The following PCDHB7 variants were observed in gnomAD, a reference collection of about 807,000 sequenced individuals.
PCDHB7 encodes protocadherin beta 7, also known as protocadherin beta-7.
For missense variants in PCDHB7, 1,148 were observed against 1,011.6 expected, an observed-to-expected ratio of 1.13 and a Z score of -1.83; for synonymous variants, 542 against 463.1, an observed-to-expected ratio of 1.17 and a Z score of -2.19.
chr5:141,174,154 T>G lies in PCDHB7; in HGVS notation c.1319T>G (p.Leu440Arg), dbSNP rs1554280177. The G allele has an allele frequency of 6.2e-7, 1 of 1,613,972 alleles. No homozygotes were observed. Residue 440 changes from leucine to arginine, a missense_variant, in exon 1 of 1, where the codon CTG (leucine) becomes CGG (arginine). Transcript: ENST00000231137. ...AAAACCGAGCACAACATAACCGTGC[T>G]GGTCTCCGACGTCAATGACAACGCT... ...RLKTEHNITV[L>R]VSDVNDNAPA...
Position 141,173,960 on chromosome 5 carries a change from C to G in PCDHB7, c.1125C>G (p.Ser375=), listed in dbSNP as rs1563916158. The stretch of plus-strand genomic sequence containing the variant: ...TTTTTAGGATTAGAGACAGAGATTC[C>G]GGGAACAATGGAAAGACAGTGTGCT... ...VAVFRIRDRD[S]GNNGKTVCSI... is the part of the protein sequence containing the mutation. The change falls in exon 1 of 1, where the codon TCC becomes TCG. Residue 375 remains serine, a synonymous_variant. Transcript: ENST00000231137. 1.2e-6 allele frequency: 2 copies of G among 1,613,640 alleles called. No individual in the cohort carries two copies. The highest frequency in any genetic ancestry group is 1.6e-4 in the Middle Eastern group (1 of 6,084).
chr5:141,173,379 G>A lies in PCDHB7; in HGVS notation c.544G>A (p.Val182Ile), dbSNP rs782307287. ...ISPNAYFHIN[V>I]HDSGEGNIYP... is the part of the protein sequence containing the mutation. ...CCCCAATGCCTATTTCCATATTAATGTCCATGATAGCGGGGAGGGGAATAT... is the reference window on the plus strand; with the variant it reads ...CCCCAATGCCTATTTCCATATTAATATCCATGATAGCGGGGAGGGGAATAT... Residue 182 changes from valine (V) to isoleucine (I), a missense_variant, in exon 1 of 1, where the codon GTC becomes ATC. Coordinates refer to ENST00000231137, the MANE Select transcript of PCDHB7 (RefSeq NM_018940.4). 2 of 1,613,930 alleles carry A rather than the reference G, an allele frequency of 1.2e-6. No individual in the cohort carries two copies. The highest frequency in any genetic ancestry group is 1.3e-5 in the African/African-American group (1 of 74,914).
rs1753316411 is a variant in PCDHB7, at chr5:141,174,448, C to T, written c.1613C>T (p.Ser538Phe). The T allele has an allele frequency of 6.2e-7, 1 of 1,611,708 alleles. No homozygotes were observed. The highest frequency in any genetic ancestry group is 1.7e-5 in the Admixed American group (1 of 59,914). ...CGCGTGGGCGCCACAGACCGCGGCT[C>T]CCCCGCGCTGAGCAGCGAGGCGCTG... ...EFRVGATDRG[S>F]PALSSEALVR... The change falls in exon 1 of 1, where the codon TCC (serine) becomes TTC (phenylalanine). Residue 538 changes from serine (S) to phenylalanine (F), a missense_variant. Coordinates refer to ENST00000231137, the MANE Select transcript of PCDHB7 (RefSeq NM_018940.4).
Position 141,174,503 on chromosome 5 carries a change from CA to C in PCDHB7, c.1670del (p.Asn557ThrfsTer30), listed in dbSNP as rs1554280254. The C allele has an allele frequency of 1.8e-5, 29 of 1,611,060 alleles. No individual in the cohort carries two copies. In the East Asian group the frequency reaches 6.5e-4, roughly 36 times the overall value. ...GCGTGCTGGTGCTGGACGCCAACGA[CA>C]ACTCGCCCTTCGTGCTGTACCCGCT... is the stretch of plus-strand genomic sequence containing the variant. Reference protein sequence around the residue: ...VRVLVLDANDNSPFVLYPLQN... With the variant: ...VRVLVLDANDXSPFVLYPLQN... On this transcript the variant is annotated frameshift_variant, in exon 1 of 1. Transcript: ENST00000231137. LOFTEE classifies it low-confidence loss of function (END_TRUNC).
rs374470174 is a variant in PCDHB7, at chr5:141,173,683, A to C, written c.848A>C (p.Tyr283Ser). Residue 283 changes from tyrosine to serine, a missense_variant, in exon 1 of 1, where the codon TAC (tyrosine) becomes TCC (serine). Physicochemically the swap from Tyr to Ser is moderately radical, Grantham distance 144. Transcript: ENST00000231137. Reference protein sequence around the residue: ...SNGEIAYAFSYATERILKTFQ... With the variant: ...SNGEIAYAFSSATERILKTFQ... ...GGGGAAATAGCCTATGCATTTTCTT[A>C]CGCCACTGAAAGAATTCTCAAAACG... 1.9e-6 allele frequency: 3 copies of C among 1,614,032 alleles called. No homozygotes were observed. Among genetic ancestry groups the C allele is most frequent in the African/African-American group, 2.7e-5 (2 of 74,938 alleles).
chr5:141,175,122 A>C lies in PCDHB7; in HGVS notation c.2287A>C (p.Lys763Gln). ...TGGAGGCTCCGGGACAAATGAGTTC[A>C]AGTTTCTGAAACCAATTATCCCCAA... Reference protein sequence around the residue: ...LTGGSGTNEFKFLKPIIPNLL... With the variant: ...LTGGSGTNEFQFLKPIIPNLL... Residue 763 changes from lysine to glutamine, a missense_variant, in exon 1 of 1, where the codon AAG (lysine) becomes CAG (glutamine). Transcript: ENST00000231137. 1 of 1,614,198 alleles carries C rather than the reference A, an allele frequency of 6.2e-7. No homozygotes were observed. Among genetic ancestry groups the C allele is most frequent in the Non-Finnish European group, 8.5e-7 (1 of 1,180,040 alleles).
Position 141,174,505 on chromosome 5 carries a change from A to G in PCDHB7, c.1670A>G (p.Asn557Ser), listed in dbSNP as rs782664071. ...GTGCTGGTGCTGGACGCCAACGACA[A>G]CTCGCCCTTCGTGCTGTACCCGCTG... ...VRVLVLDANDNSPFVLYPLQN... is the reference protein window; with the variant it reads ...VRVLVLDANDSSPFVLYPLQN... Residue 557 changes from asparagine to serine, a missense_variant, in exon 1 of 1, where the codon AAC becomes AGC. Physicochemically the swap from Asn to Ser is conservative, Grantham distance 46 (BLOSUM62 1). Transcript: ENST00000231137. 6.2e-7 allele frequency: 1 copy of G among 1,609,936 alleles called. No homozygotes were observed. The highest frequency in any genetic ancestry group is 8.5e-7 in the Non-Finnish European group (1 of 1,179,376).
In PCDHB7 at chr5:141,175,087, T is replaced by A. The variant is rs1379878386; in HGVS notation, c.2252T>A (p.Val751Glu). ...CTATCCCAGAGCTACCAGTATGAGG[T>A]GTGCCTGACTGGAGGCTCCGGGACA... ...GTLSQSYQYE[V>E]CLTGGSGTNE... The change falls in exon 1 of 1, where the codon GTG becomes GAG. Residue 751 changes from valine (V) to glutamate (E), a missense_variant. Val to Glu is a moderately radical substitution (Grantham distance 121, BLOSUM62 -2). Coordinates refer to ENST00000231137, the MANE Select transcript of PCDHB7 (RefSeq NM_018940.4). 2 of 1,614,082 alleles carry A rather than the reference T, an allele frequency of 1.2e-6. No individual in the cohort carries two copies. Among genetic ancestry groups the A allele is most frequent in the African/African-American group, 2.7e-5 (2 of 74,926 alleles).
Position 141,174,063 on chromosome 5 carries a change from G to C in PCDHB7, c.1228G>C (p.Asp410His). 6.2e-7 allele frequency: 1 copy of C among 1,614,040 alleles called. No individual in the cohort carries two copies. Among genetic ancestry groups the C allele is most frequent in the Non-Finnish European group, 8.5e-7 (1 of 1,179,924 alleles). ...TACTCTGGTAACAGAGAAACCTTTG[G>C]ATCGAGAGAGGAACACTGAGTACAA... ...FYTLVTEKPLDRERNTEYNIT... is the reference protein window; with the variant it reads ...FYTLVTEKPLHRERNTEYNIT... The change falls in exon 1 of 1, where the codon GAT (aspartate) becomes CAT (histidine). Residue 410 changes from aspartate to histidine, a missense_variant. Transcript: ENST00000231137.
Position 141,175,545 on chromosome 5 carries a change from T to A in PCDHB7, c.*328T>A. Reference sequence around the variant, plus strand: ...TGAGTTGATTAGAAAGCTGTATGAGTGTACCTACCCTAGTCTCAGAAGCAT... The same window carrying A: ...TGAGTTGATTAGAAAGCTGTATGAGAGTACCTACCCTAGTCTCAGAAGCAT... On this transcript the variant is annotated 3_prime_UTR_variant, in exon 1 of 1. Coordinates refer to ENST00000231137, the MANE Select transcript of PCDHB7 (RefSeq NM_018940.4). The A allele has an allele frequency of 2.9e-6, 1 of 349,994 alleles. No homozygotes were observed. Among genetic ancestry groups the A allele is most frequent in the Non-Finnish European group, 5.2e-6 (1 of 191,314 alleles). The allele number at this position is 349,994 out of a possible 1,614,324, so 21.7% of individuals were successfully genotyped here. A position where few individuals can be genotyped will look rare whatever the true frequency, so the allele number is the denominator to read the frequency against.
rs368675475 is a variant in PCDHB7 at position 141,173,749 on chromosome 5, C to T, written c.914C>T (p.Ala305Val). 2 of 1,613,644 alleles carry T rather than the reference C, an allele frequency of 1.2e-6. No homozygotes were observed. The highest frequency in any genetic ancestry group is 1.1e-5 in the South Asian group (1 of 91,022). ...NPTSGSLHLK[A>V]QLDYEAIQTY... is the part of the protein sequence containing the mutation. ...ACATCTGGCAGTCTTCATCTTAAAG[C>T]GCAATTGGACTATGAGGCAATTCAA... Residue 305 changes from alanine (A) to valine (V), a missense_variant, in exon 1 of 1, where the codon GCG (alanine) becomes GTG (valine). Coordinates refer to ENST00000231137, the MANE Select transcript of PCDHB7 (RefSeq NM_018940.4).
chr5:141,175,070 G>A lies in PCDHB7; in HGVS notation c.2235G>A (p.Gln745=), dbSNP rs781876695. The A allele has an allele frequency of 1.2e-6, 2 of 1,614,250 alleles. No individual in the cohort carries two copies. Among genetic ancestry groups the A allele is most frequent in the African/African-American group, 1.3e-5 (1 of 75,060 alleles). The change falls in exon 1 of 1, where the codon CAG becomes CAA. Residue 745 remains glutamine (Q), a synonymous_variant. Coordinates refer to ENST00000231137, the MANE Select transcript of PCDHB7 (RefSeq NM_018940.4). ...TGAGCGGCACCGGGACCCTATCCCA[G>A]AGCTACCAGTATGAGGTGTGCCTGA... ...VDLSGTGTLS[Q]SYQYEVCLTG... is the part of the protein sequence containing the mutation.
rs907134518 is a variant in PCDHB7, at chr5:141,174,018, C to G, written c.1183C>G (p.Pro395Ala). 3.1e-6 allele frequency: 5 copies of G among 1,614,042 alleles called. No individual in the cohort carries two copies. The highest frequency in any genetic ancestry group is 4.2e-6 in the Non-Finnish European group (5 of 1,180,030). The change falls in exon 1 of 1, where the codon CCA becomes GCA. Residue 395 changes from proline (P) to alanine (A), a missense_variant. Physicochemically the swap from Pro to Ala is conservative, Grantham distance 27. Coordinates refer to ENST00000231137, the MANE Select transcript of PCDHB7 (RefSeq NM_018940.4). ...GGACGATGTCCCCTTCATCCTGAAG[C>G]CATCTGTCGAAAACTTCTATACTCT... ...IQDDVPFILK[P>A]SVENFYTLVT...
chr5:141,173,509 C>A lies in PCDHB7; in HGVS notation c.674C>A (p.Thr225Asn), dbSNP rs1753268344. The change falls in exon 1 of 1, where the codon ACC becomes AAC. Residue 225 changes from threonine (T) to asparagine (N), a missense_variant. Coordinates refer to ENST00000231137, the MANE Select transcript of PCDHB7 (RefSeq NM_018940.4). ...LDGGSPPRSG[T>N]ALVRILVLDV... ...GGCGGCTCTCCTCCAAGATCAGGGA[C>A]CGCCCTCGTGCGCATTCTGGTTCTA... is the stretch of plus-strand genomic sequence containing the variant. 6.2e-7 allele frequency: 1 copy of A among 1,614,014 alleles called. No individual in the cohort carries two copies. The highest frequency in any genetic ancestry group is 8.5e-7 in the Non-Finnish European group (1 of 1,179,940).
chr5:141,173,927 C>A lies in PCDHB7; in HGVS notation c.1092C>A (p.Val364=), dbSNP rs369881189. 69 of 1,612,710 alleles carry A rather than the reference C, an allele frequency of 4.3e-5. 3 individuals are homozygous for A. The highest frequency in any genetic ancestry group is 3.6e-4 in the East Asian group (16 of 44,854). ...TTGCAGAAAACTCACCCGAGACAGTCGTGGCTGTTTTTAGGATTAGAGACA... is the reference window on the plus strand; with the variant it reads ...TTGCAGAAAACTCACCCGAGACAGTAGTGGCTGTTTTTAGGATTAGAGACA... ...SPIAENSPET[V]VAVFRIRDRD... The change falls in exon 1 of 1, where the codon GTC becomes GTA. Residue 364 remains valine (V), a synonymous_variant. Transcript: ENST00000231137.
chr5:141,173,306 A>T lies in PCDHB7; in HGVS notation c.471A>T (p.Ala157=). Residue 157 remains alanine (A), a synonymous_variant, in exon 1 of 1, where the codon GCA becomes GCT. Transcript: ENST00000231137. ...GGGCGGCATTTCTCCTAGAGAGTGCACAGGATTCAGATGTTGGAACCAACA... is the reference window on the plus strand; with the variant it reads ...GGGCGGCATTTCTCCTAGAGAGTGCTCAGGATTCAGATGTTGGAACCAACA... ...TPGAAFLLES[A]QDSDVGTNSL... 6.2e-7 allele frequency: 1 copy of T among 1,614,096 alleles called. No individual in the cohort carries two copies. Among genetic ancestry groups the T allele is most frequent in the South Asian group, 1.1e-5 (1 of 91,074 alleles).
Position 141,172,802 on chromosome 5 carries a change from T to A in PCDHB7, c.-34T>A. ...TTTGTGAGAGCCGCTGGAGGCTGAG[T>A]GAAAGTCATTTTGAAAGACTGATCC... On this transcript the variant is annotated 5_prime_UTR_variant, in exon 1 of 1. Coordinates refer to ENST00000231137, the MANE Select transcript of PCDHB7 (RefSeq NM_018940.4). 6.4e-7 allele frequency: 1 copy of A among 1,566,472 alleles called. No homozygotes were observed. The highest frequency in any genetic ancestry group is 1.1e-5 in the South Asian group (1 of 87,064).
At position 141,172,846 on chromosome 5, in the gene PCDHB7, G is replaced by A. The variant is rs1554279830; in HGVS notation, c.11G>A (p.Arg4Lys). MEARVERAVQKRQV... is the reference protein window; with the variant it reads MEAKVERAVQKRQV... Reference sequence around the variant, plus strand: ...CTGATCCAAAGAAGAATGGAGGCCAGAGTGGAGCGTGCTGTGCAGAAAAGG... The same window carrying A: ...CTGATCCAAAGAAGAATGGAGGCCAAAGTGGAGCGTGCTGTGCAGAAAAGG... Residue 4 changes from arginine (R) to lysine (K), a missense_variant, in exon 1 of 1, where the codon AGA (arginine) becomes AAA (lysine). Physicochemically the swap from Arg to Lys is conservative, Grantham distance 26. Coordinates refer to ENST00000231137, the MANE Select transcript of PCDHB7 (RefSeq NM_018940.4). The A allele has an allele frequency of 6.2e-7, 1 of 1,611,838 alleles. No individual in the cohort carries two copies. Among genetic ancestry groups the A allele is most frequent in the South Asian group, 1.1e-5 (1 of 90,996 alleles).
chr5:141,175,486 C>T lies in PCDHB7; in HGVS notation c.*269C>T, dbSNP rs563340764. The T allele has an allele frequency of 6.1e-6, 3 of 488,086 alleles. No homozygotes were observed. The highest frequency in any genetic ancestry group is 5.0e-5 in the East Asian group (1 of 19,810). 30.2% of individuals were successfully genotyped at this position (488,086 alleles called of 1,614,324 possible). A position where few individuals can be genotyped will look rare whatever the true frequency, so the allele number is the denominator to read the frequency against. On this transcript the variant is annotated 3_prime_UTR_variant, in exon 1 of 1. Transcript: ENST00000231137. Reference sequence around the variant, plus strand: ...GTCTTGTTTGAGATATTTTAAATTGCTTTCCATTGTTTTCAATCTCTACTG... The same window carrying T: ...GTCTTGTTTGAGATATTTTAAATTGTTTTCCATTGTTTTCAATCTCTACTG...
Sources: gnomAD v4.1 joint callset for allele counts on GRCh38, gnomAD v4.1.1 for gene constraint, MANE v1.5 for transcripts, NCBI Gene and HGNC (gene_info 2026-07-23, HGNC 2026-07-21) for gene names.